Variants in MDGA2 observed in about 807,000 individuals in gnomAD.
MDGA2 encodes the protein MAM domain containing glycosylphosphatidylinositol anchor 2, also known as MAM domain-containing glycosylphosphatidylinositol anchor protein 2.
In MDGA2, 40 loss-of-function variants were observed where a neutral mutation model predicts 117.8. The observed-to-expected ratio is 0.34, with a 90% CI of 0.26 to 0.44. The LOEUF is 0.44. Ranked by LOEUF, MDGA2 falls within the 20% of genes least tolerant of loss-of-function variation. MDGA2 has a pLI of 1.00. For missense variants in MDGA2, 1,123 were observed against 1,250.6 expected (o/e 0.90, Z 1.54); for synonymous variants, 452 against 439.0 (o/e 1.03, Z -0.37).
chr14:46,982,322 T>G (rs186227575), intron 8 of MDGA2, among the ~76,000 whole-genome samples: 2 of 152,260 alleles, frequency 1.3e-5, no homozygotes, highest in Non-Finnish European at 2.9e-5. Context: ...AAAAGTAGTA[T>G]TATTAAAATG....
At chr14:47,213,414 G>A (rs910081100) in intron 3 of MDGA2, among the ~76,000 whole-genome samples, 1 of 152,056 alleles carries the variant, frequency 6.6e-6, no homozygotes, top group Non-Finnish European at 1.5e-5. Context: ...ATGCTGATAT[G>A]TGCATTGAAG....
intron 3 of MDGA2, among the ~76,000 whole-genome samples, chr14:47,159,654 T>C (rs187381447): frequency 3.5e-4 from 54 of 152,296 alleles, no homozygotes; most frequent in South Asian, 1.0e-3. Context: ...TGCACTCTGA[T>C]TGTGTGAAGT....
In MDGA2 at chr14:47,248,413, A is replaced by C. The variant is rs528117629; in HGVS notation, c.421-30218T>G. On this transcript the variant is annotated intron_variant, in intron 2 of 16. Coordinates refer to ENST00000399232, the MANE Select transcript of MDGA2 (RefSeq NM_001113498.3). ...GTTAGAAAGTTTAGGAAAATAGATTAATGAAAGAAGACAATTTTTTCTGTG... is the reference window on the plus strand; with the variant it reads ...GTTAGAAAGTTTAGGAAAATAGATTCATGAAAGAAGACAATTTTTTCTGTG... 1.3e-4 allele frequency among the ~76,000 whole-genome samples: 20 copies of C among 151,726 alleles called. 1 individual carries two copies. Among genetic ancestry groups the C allele is most frequent in the Non-Finnish European group, 2.7e-4 (18 of 67,776 alleles).
intron 2 of MDGA2, among the ~76,000 whole-genome samples, chr14:47,223,813 T>C (rs1466197474): frequency 6.6e-6 from 1 of 152,188 alleles, no homozygotes; most frequent in African/African-American, 2.4e-5. Flanking sequence ...CAGTTCTACA[T>C]GGCTGAGGAA....
chr14:47,296,832 A>C (rs953145097), intron 2 of MDGA2, among the ~76,000 whole-genome samples: 4 of 152,216 alleles, frequency 2.6e-5, no homozygotes, highest in African/African-American at 4.8e-5. Flanking sequence ...TTCATGATGA[A>C]GGACACAGCA....
intron 1 of MDGA2, among the ~76,000 whole-genome samples, chr14:47,393,151 G>A (rs912325908): frequency 3.3e-5 from 5 of 151,232 alleles, no homozygotes; most frequent in Admixed American, 6.6e-5. Context: ...ATAGCTTGCC[G>A]TGTCAAACAT....
chr14:47,377,246 C>T (rs1467847914), intron 1 of MDGA2, among the ~76,000 whole-genome samples: 2 of 152,082 alleles, frequency 1.3e-5, no homozygotes, highest in Non-Finnish European at 2.9e-5. Context: ...GGATTACAGT[C>T]ATTCCAAGAT....
At chr14:47,623,633 C>T (rs559332972) in intron 1 of MDGA2, among the ~76,000 whole-genome samples, 2 of 152,102 alleles carry the variant, frequency 1.3e-5, no homozygotes, top group East Asian at 3.9e-4. Flanking sequence ...TCATAAACAC[C>T]TCATTTAATT....
intron 9 of MDGA2, among the ~76,000 whole-genome samples, chr14:46,929,989 A>G (rs1884504391): frequency 6.6e-6 from 1 of 151,776 alleles, no homozygotes; most frequent in East Asian, 2.0e-4. Context: ...TAATCATGCA[A>G]TGAGTTGACA....
intron 5 of MDGA2, among the ~76,000 whole-genome samples, chr14:47,109,564 AAAATT>A: frequency 6.6e-6 from 1 of 152,362 alleles, no homozygotes; most frequent in South Asian, 2.1e-4. Flanking sequence ...GGTGCTCAAT[AAAATT>A]TTACTGAATA....
chr14:47,658,365 T>A (rs1346315359), intron 1 of MDGA2, among the ~76,000 whole-genome samples: 1 of 152,092 alleles, frequency 6.6e-6, no homozygotes, highest in Non-Finnish European at 1.5e-5. Flanking sequence ...GTGACCAAGA[T>A]CTTAGGCCCT....
At chr14:46,945,098 G>A (rs1356327647) in intron 9 of MDGA2, among the ~76,000 whole-genome samples, 1 of 152,060 alleles carries the variant, frequency 6.6e-6, no homozygotes, top group African/African-American at 2.4e-5. Flanking sequence ...CCTGTAAAGA[G>A]TGCCAAGTTT....
intron 1 of MDGA2, among the ~76,000 whole-genome samples, chr14:47,326,729 C>G (rs955987315): frequency 6.6e-6 from 1 of 151,876 alleles, no homozygotes; most frequent in African/African-American, 2.4e-5. Context: ...TTTCTAAACT[C>G]TTAATCACAC....
At chr14:47,209,638 A>T (rs895886798) in intron 3 of MDGA2, among the ~76,000 whole-genome samples, 4 of 152,168 alleles carry the variant, frequency 2.6e-5, no homozygotes, top group African/African-American at 9.7e-5. Flanking sequence ...ATGTAATAGG[A>T]TTTTTGACAA....
At chr14:47,456,211 GAGATA>G (rs1209818878) in intron 1 of MDGA2, among the ~76,000 whole-genome samples, 1 of 151,488 alleles carries the variant, frequency 6.6e-6, no homozygotes, top group Non-Finnish European at 1.5e-5. Flanking sequence ...AGATTATTAA[GAGATA>G]ATGGAAAAGT....
intron 1 of MDGA2, among the ~76,000 whole-genome samples, chr14:47,332,030 A>G (rs1252989633): frequency 6.6e-6 from 1 of 152,082 alleles, no homozygotes; most frequent in Non-Finnish European, 1.5e-5. Context: ...ATGTCTAGTC[A>G]TAATAAAAAC....
chr14:47,508,955 G>T (rs1894580526), intron 1 of MDGA2, among the ~76,000 whole-genome samples: 1 of 152,168 alleles, frequency 6.6e-6, no homozygotes, highest in Non-Finnish European at 1.5e-5. Flanking sequence ...CTCCCAAAGT[G>T]CTGGGATTAC....
At chr14:47,408,828 T>G (rs577279612) in intron 1 of MDGA2, among the ~76,000 whole-genome samples, 2 of 152,140 alleles carry the variant, frequency 1.3e-5, no homozygotes, top group South Asian at 4.1e-4. Context: ...ACTGGGCAGA[T>G]AGAGGATTAA....
chr14:47,540,338 A>C (rs1352724047), intron 1 of MDGA2, among the ~76,000 whole-genome samples: 1 of 151,854 alleles, frequency 6.6e-6, no homozygotes, highest in East Asian at 1.9e-4. Context: ...AAGTGACTCA[A>C]GTGGTACTTC....
Sources: gnomAD v4.1 joint callset for allele counts (sites outside exome capture counted in the v4.1 genomes callset) on GRCh38, gnomAD v4.1.1 for gene constraint, MANE v1.5 for transcripts, NCBI Gene and HGNC (gene_info 2026-07-23, HGNC 2026-07-21) for gene names.